Variants in GLMN observed in about 807,000 individuals in gnomAD.
GLMN encodes glomulin, FKBP associated protein, also known as glomulin.
A neutral mutation model predicts 87.8 loss-of-function variants in GLMN; 75 were observed. The observed-to-expected ratio is 0.85, with a 90% CI of 0.71 to 1.04. The LOEUF (loss-of-function observed/expected upper bound fraction) is 1.04. GLMN is among the 50% of genes least tolerant of loss of function. The pLI is 0.00. For missense variants in GLMN, 588 were observed against 658.8 expected (o/e 0.89, Z 1.18); for synonymous variants, 206 against 221.6 (o/e 0.93, Z 0.63).
intron 3 of GLMN, among the ~76,000 whole-genome samples, chr1:92,293,790 C>T (rs921469967): frequency 6.6e-6 from 1 of 152,294 alleles, no homozygotes; most frequent in South Asian, 2.1e-4. Context: ...AAATGAATGA[C>T]ATCCTGTCAT....
At chr1:92,270,140 G>C (rs965996472) in intron 8 of GLMN, among the ~76,000 whole-genome samples, 1 of 152,204 alleles carries the variant, frequency 6.6e-6, no homozygotes, top group African/African-American at 2.4e-5. Context: ...AGCCAGGAGA[G>C]AGGCATGGAG....
At chr1:92,353,893 C>T in the GLMN span, among the ~76,000 whole-genome samples, 1 of 152,138 alleles carries the variant, frequency 6.6e-6, no homozygotes, top group Non-Finnish European at 1.5e-5. Context: ...AAGTTTTAAT[C>T]AAAGCCAATT....
At chr1:92,293,901 C>T (rs921363471) in intron 3 of GLMN, among the ~76,000 whole-genome samples, 3 of 151,252 alleles carry the variant, frequency 2.0e-5, no homozygotes, top group African/African-American at 7.3e-5. Context: ...GATCTGAAAA[C>T]CAAAACAACT....
At chr1:92,283,925 A>T (rs1221782337) in intron 7 of GLMN, among the ~76,000 whole-genome samples, 1 of 152,214 alleles carries the variant, frequency 6.6e-6, no homozygotes, top group African/African-American at 2.4e-5. Flanking sequence ...GATGTGAAGG[A>T]CCTCTTCAAG....
intron 3 of GLMN, among the ~76,000 whole-genome samples, chr1:92,292,702 C>T (rs1384139462): frequency 3.5e-5 from 5 of 144,456 alleles, no homozygotes; most frequent in African/African-American, 1.3e-4. Flanking sequence ...GGATTACAGG[C>T]GTGAGCCACC....
chr1:92,324,054 G>C, the GLMN span: 7 of 1,613,892 alleles, frequency 4.3e-6, no homozygotes, highest in African/African-American at 1.3e-5. Context: ...TTGAGTGGAA[G>C]ACAGAAGAAA....
At chr1:92,323,831 C>T in the GLMN span, 2 of 1,614,032 alleles carry the variant, frequency 1.2e-6, no homozygotes, top group South Asian at 2.2e-5. Context: ...TCAAATAGCA[C>T]TTTGCCTGAA....
chr1:92,280,756 T>C (rs7525174), intron 7 of GLMN, among the ~76,000 whole-genome samples: 5,663 of 152,002 alleles, frequency 0.037, 272 homozygotes, highest in African/African-American at 0.11. Flanking sequence ...GAATAAACAG[T>C]GTAGAGAAGC....
the GLMN span, among the ~76,000 whole-genome samples, chr1:92,337,567 A>G: frequency 1.3e-5 from 2 of 152,290 alleles, no homozygotes; most frequent in East Asian, 1.9e-4. Flanking sequence ...TCAAACCTTC[A>G]TAGATTCCAA....
At position 92,266,749 on chromosome 1, in the gene GLMN, TA is replaced by T. The variant is rs777896358; in HGVS notation, c.1099-9del. 5.1e-6 allele frequency: 8 copies of T among 1,582,604 alleles called. No individual in the cohort carries two copies. The highest frequency in any genetic ancestry group is 1.1e-5 in the South Asian group (1 of 89,942). ...CATTACTTTCACTAAGCCCTGGAAA[TA>T]AAAAAATGTAAAATTCAGATGTAAA... On this transcript the variant is annotated splice_polypyrimidine_tract_variant and intron_variant, in intron 11 of 18. Coordinates refer to ENST00000370360, the MANE Select transcript of GLMN (RefSeq NM_053274.3).
rs531336480 is a variant in GLMN at position 92,269,622 on chromosome 1, T to A, written c.977+101A>T. 7.6e-6 allele frequency: 6 copies of A among 793,236 alleles called. No individual in the cohort carries two copies. The South Asian group carries it at 8.6e-5, about 11-fold the overall frequency. The allele number at this position is 793,236 out of a possible 1,614,324, so 49.1% of individuals were successfully genotyped here. Reference sequence around the variant, plus strand: ...GCTGTTTTATAAAATAACCAATTAATTAATTAGAGCTTAGCAAAGAAAAGG... The same window carrying A: ...GCTGTTTTATAAAATAACCAATTAAATAATTAGAGCTTAGCAAAGAAAAGG... On this transcript the variant is annotated intron_variant, in intron 9 of 18. Coordinates refer to ENST00000370360, the MANE Select transcript of GLMN (RefSeq NM_053274.3).
intron 16 of GLMN, among the ~76,000 whole-genome samples, chr1:92,259,981 C>T (rs1283137783): frequency 1.3e-5 from 2 of 151,990 alleles, no homozygotes; most frequent in African/African-American, 4.8e-5. Context: ...ATGAACCGCC[C>T]GCCTTGGCCT....
At chr1:92,360,345 G>A in the GLMN span, among the ~76,000 whole-genome samples, 17 of 152,330 alleles carry the variant, frequency 1.1e-4, no homozygotes, top group African/African-American at 3.6e-4. Context: ...TAGGAGTGGA[G>A]ACCAGATTGC....
intron 7 of GLMN, among the ~76,000 whole-genome samples, chr1:92,273,969 G>C (rs1035643960): frequency 6.6e-6 from 1 of 152,092 alleles, no homozygotes; most frequent in Non-Finnish European, 1.5e-5. Flanking sequence ...CTGTACTACA[G>C]CCTTTGGGAC....
intron 6 of GLMN, among the ~76,000 whole-genome samples, chr1:92,287,354 T>G (rs1570960231): frequency 6.6e-6 from 1 of 151,618 alleles, no homozygotes; most frequent in East Asian, 1.9e-4. Context: ...GGTAAAAAAC[T>G]TTTTTTTTGA....
the GLMN span, among the ~76,000 whole-genome samples, chr1:92,328,741 A>G: frequency 6.6e-6 from 1 of 152,084 alleles, no homozygotes; most frequent in Non-Finnish European, 1.5e-5. Context: ...TATTACTAGA[A>G]TTGTTTTTCT....
At chr1:92,347,913 T>G in the GLMN span, among the ~76,000 whole-genome samples, 1 of 148,396 alleles carries the variant, frequency 6.7e-6, no homozygotes, top group Non-Finnish European at 1.5e-5. Context: ...GCAATCAATC[T>G]TTTTTTTTTT....
the GLMN span, among the ~76,000 whole-genome samples, chr1:92,311,078 G>T: frequency 6.6e-6 from 1 of 152,116 alleles, no homozygotes; most frequent in Non-Finnish European, 1.5e-5. Context: ...CTACTCTGTT[G>T]CTTTTTTAAA....
Position 92,266,710 on chromosome 1 carries a change from A to T in GLMN, c.1130T>A (p.Ile377Asn), listed in dbSNP as rs759042428. ...CAAATATTTACATACCAGTGTCTCA[A>T]TGGGGCAAAGTGTCATTACTTTCAC... ...GLVKVMTLCPIETLRKKSLAM... is the reference protein window; with the variant it reads ...GLVKVMTLCPNETLRKKSLAM... Residue 377 changes from isoleucine (I) to asparagine (N), a missense_variant, in exon 12 of 19, where the codon ATT (isoleucine) becomes AAT (asparagine). By Grantham distance (149) the Ile-to-Asn change is moderately radical. Coordinates refer to ENST00000370360, the MANE Select transcript of GLMN (RefSeq NM_053274.3). 13 of 1,599,904 alleles carry T rather than the reference A, an allele frequency of 8.1e-6. No individual in the cohort carries two copies. Among genetic ancestry groups the T allele is most frequent in the Non-Finnish European group, 1.1e-5 (13 of 1,168,102 alleles).
Sources: gnomAD v4.1 joint callset for allele counts (sites outside exome capture counted in the v4.1 genomes callset) on GRCh38, gnomAD v4.1.1 for gene constraint, MANE v1.5 for transcripts, NCBI Gene and HGNC (gene_info 2026-07-23, HGNC 2026-07-21) for gene names.